Variants in PPP2R2A observed in about 807,000 individuals in gnomAD.
The protein encoded by PPP2R2A is serine/threonine-protein phosphatase 2A 55 kDa regulatory subunit B alpha isoform.
Under a neutral mutation model 53.2 loss-of-function variants are expected in PPP2R2A, and 9 were observed. The ratio of observed to expected loss-of-function variants is 0.17; its 90% confidence interval spans 0.10 to 0.30. The LOEUF is 0.30. Ranked by LOEUF, PPP2R2A falls within the 10% of genes least tolerant of loss-of-function variation. The pLI is 1.00. For missense variants in PPP2R2A, 235 were observed against 534.6 expected (o/e 0.44, Z 5.53); for synonymous variants, 169 against 174.2 (o/e 0.97, Z 0.23).
chr8:26,366,794 A>G (rs924884076), intron 9 of PPP2R2A, among the ~76,000 whole-genome samples: 1 of 152,172 alleles, frequency 6.6e-6, no homozygotes, highest in African/African-American at 2.4e-5. Context: ...ATGCTACATT[A>G]ACACCTCATA....
At chr8:26,335,379 A>G (rs1803600810) in intron 2 of PPP2R2A, among the ~76,000 whole-genome samples, 1 of 152,202 alleles carries the variant, frequency 6.6e-6, no homozygotes, top group Non-Finnish European at 1.5e-5. Context: ...TAAGGGAGAA[A>G]GGAGGAAGGA....
chr8:26,314,540 G>T (rs1802446634), intron 2 of PPP2R2A, among the ~76,000 whole-genome samples: 1 of 152,134 alleles, frequency 6.6e-6, no homozygotes, highest in Non-Finnish European at 1.5e-5. Context: ...TTCATAGGAG[G>T]TAAAATTTTT....
At chr8:26,312,629 A>C (rs997312303) in intron 2 of PPP2R2A, among the ~76,000 whole-genome samples, 2 of 152,224 alleles carry the variant, frequency 1.3e-5, no homozygotes, top group Non-Finnish European at 1.5e-5. Context: ...AGATTGCATC[A>C]TACTGCAACA....
intron 2 of PPP2R2A, among the ~76,000 whole-genome samples, chr8:26,323,647 A>T (rs1289672504): frequency 6.6e-6 from 1 of 152,216 alleles, no homozygotes; most frequent in East Asian, 1.9e-4. Flanking sequence ...GAACAGCTAC[A>T]TGAAGAGATA....
intron 2 of PPP2R2A, chr8:26,333,350 G>T: frequency 2.7e-5 from 7 of 255,186 alleles, no homozygotes; most frequent in Middle Eastern, 1.9e-3. Flanking sequence ...TTTTGTTTTT[G>T]TTGCTGTTTT....
chr8:26,301,912 C>T (rs1446233744), intron 2 of PPP2R2A, among the ~76,000 whole-genome samples: 1 of 152,154 alleles, frequency 6.6e-6, no homozygotes, highest in African/African-American at 2.4e-5. Flanking sequence ...ATCTTCATTA[C>T]CATGTACTAG....
chr8:26,348,624 A>G (rs1372455197), intron 3 of PPP2R2A, among the ~76,000 whole-genome samples: 1 of 152,238 alleles, frequency 6.6e-6, no homozygotes, highest in Non-Finnish European at 1.5e-5. Flanking sequence ...TTCTGGTCCT[A>G]AGCATCTTGG....
chr8:26,355,855 G>T, intron 4 of PPP2R2A, among the ~76,000 whole-genome samples: 1 of 133,946 alleles, frequency 7.5e-6, no homozygotes, highest in Non-Finnish European at 1.6e-5. Flanking sequence ...GGGCAACAGA[G>T]CGAGACTCGT....
intron 2 of PPP2R2A, among the ~76,000 whole-genome samples, chr8:26,330,881 C>A (rs574187798): frequency 6.6e-6 from 1 of 152,164 alleles, no homozygotes; most frequent in African/African-American, 2.4e-5. Flanking sequence ...TGATCCTTTC[C>A]AAGGATCAAA....
Position 26,362,741 on chromosome 8 carries a change from C to G in PPP2R2A, c.695C>G (p.Ala232Gly). 1 of 1,614,010 alleles carries G rather than the reference C, an allele frequency of 6.2e-7. No homozygotes were observed. The highest frequency in any genetic ancestry group is 8.5e-7 in the Non-Finnish European group (1 of 1,179,916). Reference sequence around the variant, plus strand: ...GAGCTAACAGAGGTGATTACAGCAGCAGAATTTCATCCAAACAGCTGTAAC... The same window carrying G: ...GAGCTAACAGAGGTGATTACAGCAGGAGAATTTCATCCAAACAGCTGTAAC... The part of the protein sequence containing the change: ...MEELTEVITA[A>G]EFHPNSCNTF... Residue 232 changes from alanine to glycine, a missense_variant, in exon 7 of 10, where the codon GCA becomes GGA. Transcript: ENST00000380737. The surrounding 1 kb of genome is among the most constrained non-coding windows in gnomAD (Gnocchi z 4.4).
At chr8:26,297,621 C>A (rs1801600180) in intron 2 of PPP2R2A, among the ~76,000 whole-genome samples, 1 of 152,178 alleles carries the variant, frequency 6.6e-6, no homozygotes, top group Admixed American at 6.5e-5. Context: ...AGTCATTTAT[C>A]ATTTCTGTGG....
chr8:26,347,410 A>G (rs1431310539), intron 3 of PPP2R2A, among the ~76,000 whole-genome samples: 1 of 140,328 alleles, frequency 7.1e-6, no homozygotes, highest in Admixed American at 7.0e-5. Context: ...GCGCATGTGC[A>G]TGGAGGGTTT....
intron 3 of PPP2R2A, among the ~76,000 whole-genome samples, chr8:26,350,400 GTTGTTGTGTTGTT>G (rs1804432921): frequency 6.6e-6 from 1 of 152,124 alleles, no homozygotes; most frequent in African/African-American, 2.4e-5. Flanking sequence ...AGATTGAGTA[GTTGTTGTGTTGTT>G]TTGAGACAGG....
chr8:26,359,227 G>T (rs984819187), intron 4 of PPP2R2A, among the ~76,000 whole-genome samples: 25 of 152,288 alleles, frequency 1.6e-4, no homozygotes, highest in African/African-American at 5.8e-4. Flanking sequence ...AATAAGGAGA[G>T]CCTGAGAAAC....
Position 26,370,225 on chromosome 8 carries a change from A to G in PPP2R2A, c.1156A>G (p.Asn386Asp), listed in dbSNP as rs1805603123. The change falls in exon 10 of 10, where the codon AAT (asparagine) becomes GAT (aspartate). Residue 386 changes from asparagine (N) to aspartate (D), a missense_variant. Transcript: ENST00000380737. The surrounding 1 kb of genome is among the most constrained non-coding windows in gnomAD (Gnocchi z 6.1). ...DITLEASREN[N>D]KPRTVLKPRK... ...AACCCTAGAAGCATCGCGGGAAAAC[A>G]ATAAGCCTCGCACAGTTCTGAAGCC... The G allele has an allele frequency of 6.2e-7, 1 of 1,614,092 alleles. No individual in the cohort carries two copies. The highest frequency in any genetic ancestry group is 1.3e-5 in the African/African-American group (1 of 74,926).
intron 2 of PPP2R2A, among the ~76,000 whole-genome samples, chr8:26,334,520 C>A (rs1433015919): frequency 6.6e-6 from 1 of 151,994 alleles, no homozygotes; most frequent in Non-Finnish European, 1.5e-5. Context: ...CCGAGGTAGG[C>A]GGATCACAAG....
At chr8:26,368,449 T>C (rs1008664419) in intron 9 of PPP2R2A, among the ~76,000 whole-genome samples, 3 of 152,214 alleles carry the variant, frequency 2.0e-5, no homozygotes, top group Non-Finnish European at 2.9e-5. Context: ...ACTTAATAAA[T>C]GTCGAGCAGT....
chr8:26,305,470 T>G (rs1801975272), intron 2 of PPP2R2A, among the ~76,000 whole-genome samples: 1 of 152,182 alleles, frequency 6.6e-6, no homozygotes, highest in Non-Finnish European at 1.5e-5. Flanking sequence ...TAGAGATTGG[T>G]GTAGTTTTAT....
intron 2 of PPP2R2A, among the ~76,000 whole-genome samples, chr8:26,311,644 C>T (rs1299491927): frequency 3.3e-5 from 5 of 152,152 alleles, no homozygotes; most frequent in Non-Finnish European, 7.3e-5. Context: ...ACAACCACTG[C>T]ACTCCAGTCT....
Sources: allele counts gnomAD v4.1 joint callset (sites outside exome capture counted in the v4.1 genomes callset), GRCh38; gene constraint gnomAD v4.1.1; non-coding constraint Gnocchi (gnomAD v3.1); transcripts MANE v1.5; gene names NCBI Gene and HGNC (gene_info 2026-07-23, HGNC 2026-07-21).